Variants in TSEN2 observed in about 807,000 individuals in gnomAD.
TSEN2 encodes the protein tRNA splicing endonuclease subunit 2.
In TSEN2, 54 loss-of-function variants were observed where a neutral mutation model predicts 59.2. The observed-to-expected ratio is 0.91, with a 90% confidence interval of 0.73 to 1.14. The LOEUF (loss-of-function observed/expected upper bound fraction) is 1.14. Among genes scored for constraint, TSEN2 ranks in the 50% most tolerant of loss-of-function variants. The probability of loss-of-function intolerance (pLI) is 0.00; values close to 1 mark genes in which losing one functional copy is unlikely to be tolerated. For synonymous variants in TSEN2, 195 were observed against 198.2 expected, an observed-to-expected ratio of 0.98 and a Z score of 0.14; for missense variants, 636 against 576.2, an observed-to-expected ratio of 1.10 and a Z score of -1.06.
At chr3:12,499,165 C>T (rs1160375212) in intron 4 of TSEN2, among the ~76,000 whole-genome samples, 1 of 152,190 alleles carries the variant, frequency 6.6e-6, no homozygotes, top group African/African-American at 2.4e-5. Context: ...TAAAGTTACG[C>T]ACCTTCTGCG....
At chr3:12,514,065 A>G (rs1259260138) in intron 6 of TSEN2, among the ~76,000 whole-genome samples, 1 of 152,230 alleles carries the variant, frequency 6.6e-6, no homozygotes, top group Non-Finnish European at 1.5e-5. Context: ...GTTCTGCCAG[A>G]GTTTACATTC....
downstream of TSEN2, among the ~76,000 whole-genome samples, chr3:12,537,411 TAAATG>T (rs2057697361): frequency 6.6e-6 from 1 of 151,922 alleles, no homozygotes; most frequent in Non-Finnish European, 1.5e-5. Flanking sequence ...AGAAAATAAA[TAAATG>T]AAAAAGAAAA....
intron 6 of TSEN2, among the ~76,000 whole-genome samples, chr3:12,511,778 G>T (rs1401135539): frequency 1.2e-4 from 18 of 152,086 alleles, no homozygotes. Flanking sequence ...TGTTGTCCAG[G>T]CTGGTTTCAA....
upstream of TSEN2, among the ~76,000 whole-genome samples, chr3:12,481,780 C>T (rs759825529): frequency 2.0e-5 from 3 of 152,078 alleles, no homozygotes; most frequent in African/African-American, 4.8e-5. Flanking sequence ...AGACACCTAA[C>T]CTTGTATCTT....
intron 1 of TSEN2, 68 bp from the exon 2 acceptor site, chr3:12,489,716 A>G: frequency 7.5e-7 from 1 of 1,324,520 alleles, no homozygotes; most frequent in South Asian, 1.2e-5. Context: ...GTACAGATGT[A>G]CTCACATTTT....
At chr3:12,495,866 A>T (rs1221566020) in intron 3 of TSEN2, among the ~76,000 whole-genome samples, 3 of 151,910 alleles carry the variant, frequency 2.0e-5, no homozygotes, top group African/African-American at 7.3e-5. Flanking sequence ...GGTTGGAAAG[A>T]CTCCTCCCAC....
chr3:12,502,544 A>G (rs940409948), intron 4 of TSEN2, among the ~76,000 whole-genome samples: 1 of 151,364 alleles, frequency 6.6e-6, no homozygotes, highest in African/African-American at 2.5e-5. Flanking sequence ...TCAAAAAATA[A>G]CAACAATAAT....
intron 6 of TSEN2, among the ~76,000 whole-genome samples, chr3:12,507,332 G>T (rs757227215): frequency 9.2e-5 from 14 of 152,224 alleles, no homozygotes; most frequent in African/African-American, 1.4e-4. Context: ...CAGCACTGTG[G>T]AGCGCTTTAT....
chr3:12,514,483 AG>A (rs1416668019), intron 6 of TSEN2, among the ~76,000 whole-genome samples: 1 of 152,146 alleles, frequency 6.6e-6, no homozygotes, highest in African/African-American at 2.4e-5. Context: ...CAGAACAGGG[AG>A]GGTGTCACAG....
At chr3:12,493,290 A>G (rs565721427) in intron 3 of TSEN2, among the ~76,000 whole-genome samples, 1 of 152,374 alleles carries the variant, frequency 6.6e-6, no homozygotes. Context: ...CAGGAGTAGA[A>G]TTAATGGGTC....
At chr3:12,537,111 A>ATT (rs1167876380), downstream of TSEN2, among the ~76,000 whole-genome samples, 1 of 152,012 alleles carries the variant, frequency 6.6e-6, no homozygotes, top group Non-Finnish European at 1.5e-5. Context: ...CTAAAATAAG[A>ATT]AATGGGGACC....
At chr3:12,515,102 GGATCCCA>G (rs2055920396) in intron 6 of TSEN2, 1 of 152,100 alleles carries the variant, frequency 6.6e-6, no homozygotes, top group South Asian at 2.1e-4. Context: ...AGGGTCTTGG[GGATCCCA>G]GGATCCCCAG....
downstream of TSEN2, among the ~76,000 whole-genome samples, chr3:12,533,939 GC>G (rs2057607301): frequency 6.6e-6 from 1 of 152,182 alleles, no homozygotes; most frequent in African/African-American, 2.4e-5. Flanking sequence ...ATTTATCCCT[GC>G]AGCAGCCTTG....
chr3:12,519,730 G>A (rs1002682521), intron 8 of TSEN2, among the ~76,000 whole-genome samples: 15 of 151,872 alleles, frequency 9.9e-5, no homozygotes, highest in African/African-American at 3.6e-4. Flanking sequence ...GGACGACAGG[G>A]CAAGACTCCG....
chr3:12,537,685 T>C (rs1442159101), downstream of TSEN2, among the ~76,000 whole-genome samples: 1 of 152,168 alleles, frequency 6.6e-6, no homozygotes, highest in Non-Finnish European at 1.5e-5. Flanking sequence ...GGCACAGCTT[T>C]CATGGTCAAA....
chr3:12,525,752 A>ATG (rs2057022668), intron 8 of TSEN2, among the ~76,000 whole-genome samples: 1 of 150,788 alleles, frequency 6.6e-6, no homozygotes, highest in Non-Finnish European at 1.5e-5. Context: ...TTTAGTAGAG[A>ATG]AAGGGTTTCA....
At chr3:12,504,715 A>G (rs527895418) in intron 5 of TSEN2, among the ~76,000 whole-genome samples, 37 of 152,324 alleles carry the variant, frequency 2.4e-4, no homozygotes, top group African/African-American at 8.7e-4. Context: ...CCTTTTCCAC[A>G]CAAGTAATAA....
chr3:12,523,750 G>C (rs2056859167), intron 8 of TSEN2, among the ~76,000 whole-genome samples: 1 of 151,694 alleles, frequency 6.6e-6, no homozygotes, highest in Non-Finnish European at 1.5e-5. Context: ...ATGTTGACCA[G>C]GCTTGTTTTG....
chr3:12,538,547 T>C (rs1474245021), downstream of TSEN2, among the ~76,000 whole-genome samples: 2 of 152,190 alleles, frequency 1.3e-5, no homozygotes, highest in Non-Finnish European at 2.9e-5. Flanking sequence ...CCCTAAGTTA[T>C]TTTAACACGA....
Sources: gnomAD v4.1 joint callset for allele counts (sites outside exome capture counted in the v4.1 genomes callset) on GRCh38, gnomAD v4.1.1 for gene constraint, MANE v1.5 for transcripts, NCBI Gene and HGNC (gene_info 2026-07-23, HGNC 2026-07-21) for gene names.